Variants in DLK1 observed in about 807,000 individuals in gnomAD.
The protein encoded by DLK1 is protein delta homolog 1.
Under a neutral mutation model 35.2 loss-of-function variants are expected in DLK1, and 9 were observed. The ratio of observed to expected loss-of-function variants is 0.26; its 90% CI spans 0.15 to 0.45. The LOEUF is 0.45. Among genes scored for constraint, DLK1 ranks in the 20% least tolerant of loss-of-function variants. The pLI is 1.00. For missense variants in DLK1, 522 were observed against 528.5 expected, an observed-to-expected ratio of 0.99 and a Z score of 0.12; for synonymous variants, 231 against 228.4, an observed-to-expected ratio of 1.01 and a Z score of -0.10.
chr14:100,734,251 C>A lies in DLK1; in HGVS notation c.507C>A (p.Ile169=), dbSNP rs140697628. The change falls in exon 5 of 5, where the codon ATC becomes ATA. Residue 169 remains isoleucine, a synonymous_variant. Coordinates refer to ENST00000341267, the MANE Select transcript of DLK1 (RefSeq NM_003836.7). The surrounding 1 kb of genome is among the most constrained non-coding windows in gnomAD (Gnocchi z 7.4). ...PPGFSGNFCE[I]VANSCTPNPC... is the part of the protein sequence containing the mutation. ...GCTTCTCAGGCAATTTCTGCGAGAT[C>A]GTGGCCAACAGCTGCACCCCCAACC... 3 of 1,613,466 alleles carry A rather than the reference C, an allele frequency of 1.9e-6. No individual in the cohort carries two copies. In the South Asian group the frequency reaches 3.3e-5, roughly 18 times the overall value.
chr14:100,729,017 C>T lies in DLK1; in HGVS notation c.213C>T (p.Pro71=), dbSNP rs140558508. 506 of 1,613,970 alleles carry T rather than the reference C, an allele frequency of 3.1e-4. No homozygotes were observed. Among genetic ancestry groups the T allele is most frequent in the Non-Finnish European group, 4.0e-4 (473 of 1,180,042 alleles). Residue 71 remains proline, a synonymous_variant, in exon 3 of 5, where the codon CCC becomes CCT. Coordinates refer to ENST00000341267, the MANE Select transcript of DLK1 (RefSeq NM_003836.7). The part of the protein sequence containing the change: ...PGCLHGLCGE[P]GQCICTDGWD... ...GCCTTCACGGACTCTGTGGAGAACC[C>T]GGGCAGTGCATTTGCACCGACGGCT... is the stretch of plus-strand genomic sequence containing the variant.
rs1555410480 is a variant in DLK1 at position 100,734,884 on chromosome 14, C to A, written c.1140C>A (p.Asp380Glu). The A allele has an allele frequency of 1.3e-6, 2 of 1,588,804 alleles. No individual in the cohort carries two copies. Among genetic ancestry groups the A allele is most frequent in the South Asian group, 2.3e-5 (2 of 88,712 alleles). Reference sequence around the variant, plus strand: ...CCACCTTCAGCAAGGAGGCCGGCGACGAGGAGATCTAAGCAGCGTTCCCAC... The same window carrying A: ...CCACCTTCAGCAAGGAGGCCGGCGAAGAGGAGATCTAAGCAGCGTTCCCAC... The part of the protein sequence containing the change: ...DMTTFSKEAG[D>E]EEI The change falls in exon 5 of 5, where the codon GAC becomes GAA. Residue 380 changes from aspartate (D) to glutamate (E), a missense_variant. Asp to Glu is a conservative substitution (Grantham distance 45). Coordinates refer to ENST00000341267, the MANE Select transcript of DLK1 (RefSeq NM_003836.7). The surrounding 1 kb of genome is among the most constrained non-coding windows in gnomAD (Gnocchi z 7.4).
chr14:100,729,513 G>T (rs1365893394), intron 3 of DLK1, among the ~76,000 whole-genome samples: 2 of 151,974 alleles, frequency 1.3e-5, no homozygotes, highest in Non-Finnish European at 2.9e-5. Flanking sequence ...CGGGGTGGGG[G>T]GTGGCCAGCA....
chr14:100,730,073 C>T (rs1364619187), intron 3 of DLK1, among the ~76,000 whole-genome samples: 2 of 152,230 alleles, frequency 1.3e-5, no homozygotes, highest in Non-Finnish European at 2.9e-5. Flanking sequence ...GTGGCCCCTG[C>T]CCTGTACAGC....
rs1271136366 is a variant in DLK1, at chr14:100,734,209, C to T, written c.465C>T (p.Ser155=). 1.9e-6 allele frequency: 3 copies of T among 1,613,194 alleles called. No homozygotes were observed. The South Asian group carries it at 3.3e-5, about 18-fold the overall frequency. ...VDDEGRASHA[S]CLCPPGFSGN... is the part of the protein sequence containing the mutation. ...ATGAGGGCCGGGCCTCCCATGCCTC[C>T]TGCCTGTGCCCCCCTGGCTTCTCAG... The change falls in exon 5 of 5, where the codon TCC becomes TCT. Residue 155 remains serine, a synonymous_variant. Transcript: ENST00000341267. The surrounding 1 kb of genome is among the most constrained non-coding windows in gnomAD (Gnocchi z 7.4).
At chr14:100,727,944 G>A (rs2036456255) in intron 1 of DLK1, among the ~76,000 whole-genome samples, 1 of 152,158 alleles carries the variant, frequency 6.6e-6, no homozygotes, top group South Asian at 2.1e-4. Context: ...TTACTGGGGC[G>A]CCCACCAGGT....
intron 1 of DLK1, 41 bp downstream of exon 1, chr14:100,727,176 A>G (rs1281747060): frequency 6.6e-7 from 1 of 1,516,192 alleles, no homozygotes; most frequent in Non-Finnish European, 8.8e-7. Context: ...CCTCTGGGGA[A>G]GCCTGCGACT....
At position 100,734,435 on chromosome 14, in the gene DLK1, T is replaced by A; in HGVS notation, c.691T>A (p.Tyr231Asn). The change falls in exon 5 of 5, where the codon TAC (tyrosine) becomes AAC (asparagine). Residue 231 changes from tyrosine to asparagine, a missense_variant. Physicochemically the swap from Tyr to Asn is moderately radical, Grantham distance 143. Coordinates refer to ENST00000341267, the MANE Select transcript of DLK1 (RefSeq NM_003836.7). This position sits in a 1 kb window ranked among gnomAD's most constrained non-coding sequence, Gnocchi z 7.4. ...GTCLQHTQVS[Y>N]ECLCKPEFTG... is the part of the protein sequence containing the mutation. ...CTGCCTGCAGCACACCCAGGTGAGC[T>A]ACGAGTGTCTGTGCAAGCCCGAGTT... is the stretch of plus-strand genomic sequence containing the variant. 2 of 1,612,106 alleles carry A rather than the reference T, an allele frequency of 1.2e-6. No homozygotes were observed. Among genetic ancestry groups the A allele is most frequent in the South Asian group, 2.2e-5 (2 of 91,030 alleles).
At chr14:100,730,984 C>T (rs1346139911) in intron 3 of DLK1, among the ~76,000 whole-genome samples, 5 of 133,708 alleles carry the variant, frequency 3.7e-5, no homozygotes, top group African/African-American at 5.5e-5. Flanking sequence ...CCCCCTCCAG[C>T]CTGCCTTAGC....
intron 3 of DLK1, among the ~76,000 whole-genome samples, chr14:100,730,320 CT>C (rs1184939062): frequency 6.6e-6 from 1 of 152,192 alleles, no homozygotes; most frequent in African/African-American, 2.4e-5. Context: ...TGGAGCCCAT[CT>C]TTTTGGTATC....
Position 100,734,096 on chromosome 14 carries a change from G to A in DLK1, c.405-53G>A, listed in dbSNP as rs2036539611. 2.6e-6 allele frequency: 4 copies of A among 1,538,566 alleles called. No homozygotes were observed. The highest frequency in any genetic ancestry group is 1.3e-5 in the South Asian group (1 of 79,236). The stretch of plus-strand genomic sequence containing the variant: ...TGCCCTGAGCCCCGTGCCCTGCAGC[G>A]CTGTTGTAGCCTAGCCCCTGAGGCC... On this transcript the variant is annotated intron_variant, in intron 4 of 4. Transcript: ENST00000341267. This position sits in a 1 kb window ranked among gnomAD's most constrained non-coding sequence, Gnocchi z 7.4.
At chr14:100,729,388 A>G (rs2036481149) in intron 3 of DLK1, among the ~76,000 whole-genome samples, 1 of 152,210 alleles carries the variant, frequency 6.6e-6, no homozygotes, top group Non-Finnish European at 1.5e-5. Flanking sequence ...CACAGACCCC[A>G]GGCTGCCTGT....
At chr14:100,731,947 G>A (rs2036512384) in intron 3 of DLK1, 95 bp from the exon 4 acceptor site, 10 of 1,456,742 alleles carry the variant, frequency 6.9e-6, no homozygotes, top group South Asian at 4.3e-5. Context: ...GACCCCACTC[G>A]GTGGCCATAG....
At position 100,734,719 on chromosome 14, in the gene DLK1, C is replaced by G. The variant is rs1227892399; in HGVS notation, c.975C>G (p.Val325=). The part of the protein sequence containing the change: ...SLVVLGTVGI[V]FLNKCETWVS... ...TGGTGCTGGGCACTGTGGGTATCGT[C>G]TTCCTCAACAAGTGCGAGACCTGGG... Residue 325 remains valine, a synonymous_variant, in exon 5 of 5, where the codon GTC becomes GTG. Transcript: ENST00000341267. The surrounding 1 kb of genome is among the most constrained non-coding windows in gnomAD (Gnocchi z 7.4). 10 of 1,614,116 alleles carry G rather than the reference C, an allele frequency of 6.2e-6. No homozygotes were observed. Among genetic ancestry groups the G allele is most frequent in the African/African-American group, 1.3e-5 (1 of 75,060 alleles).
chr14:100,729,689 C>T (rs992995701), intron 3 of DLK1, among the ~76,000 whole-genome samples: 7 of 152,194 alleles, frequency 4.6e-5, no homozygotes, highest in African/African-American at 1.7e-4. Context: ...TTTATGCAAT[C>T]TTTGCCTCCA....
In DLK1 at chr14:100,727,081, G is replaced by A. The variant is rs1454115828; in HGVS notation, c.13G>A (p.Glu5Lys). 2.5e-6 allele frequency: 4 copies of A among 1,590,468 alleles called. No homozygotes were observed. In the Admixed American group the frequency reaches 5.1e-5, roughly 20 times the overall value. ...CGGCCGCCCAGAGATGACCGCGACC[G>A]AAGCCCTCCTGCGCGTCCTCTTGCT... MTATEALLRVLLLLL... is the reference protein window; with the variant it reads MTATKALLRVLLLLL... Residue 5 changes from glutamate to lysine, a missense_variant, in exon 1 of 5, where the codon GAA (glutamate) becomes AAA (lysine). Physicochemically the swap from Glu to Lys is moderately conservative, Grantham distance 56. Transcript: ENST00000341267.
In DLK1 at chr14:100,732,061, G is replaced by C; in HGVS notation, c.282G>C (p.Ser94=). 6.2e-7 allele frequency: 1 copy of C among 1,613,624 alleles called. No homozygotes were observed. Residue 94 remains serine (S), a synonymous_variant, in exon 4 of 5, where the codon TCG becomes TCC. Coordinates refer to ENST00000341267, the MANE Select transcript of DLK1 (RefSeq NM_003836.7). Reference sequence around the variant, plus strand: ...CCGCAGATGTTCGGGCCTGCTCCTCGGCCCCCTGTGCCAACAACAGGACCT... The same window carrying C: ...CCGCAGATGTTCGGGCCTGCTCCTCCGCCCCCTGTGCCAACAACAGGACCT... ...LCDRDVRACS[S]APCANNRTCV...
intron 4 of DLK1, 123 bp downstream of exon 4, chr14:100,732,306 G>T: frequency 6.9e-7 from 1 of 1,453,896 alleles, no homozygotes; most frequent in Non-Finnish European, 9.2e-7. Flanking sequence ...GCTCATCCTG[G>T]CAGCCCCGTA....
chr14:100,728,606 C>T (rs1447727229), intron 2 of DLK1, 147 bp downstream of exon 2: 4 of 53,746 alleles, frequency 7.4e-5, no homozygotes, highest in African/African-American at 2.9e-4. Flanking sequence ...GTGGGGCGAG[C>T]TGGGGAGATG....
Sources: allele counts gnomAD v4.1 joint callset (sites outside exome capture counted in the v4.1 genomes callset), GRCh38; gene constraint gnomAD v4.1.1; non-coding constraint Gnocchi (gnomAD v3.1); transcripts MANE v1.5; gene names NCBI Gene and HGNC (gene_info 2026-07-23, HGNC 2026-07-21).